Variants in PTPRN2 observed in about 807,000 individuals in gnomAD.
The protein encoded by PTPRN2 is receptor-type tyrosine-protein phosphatase N2.
PTPRN2 carries 74 observed loss-of-function variants against 118.8 expected under a neutral mutation model. The ratio of observed to expected loss-of-function variants is 0.62; its 90% CI spans 0.52 to 0.76. PTPRN2 has a LOEUF of 0.76. PTPRN2 is among the 30% of genes least tolerant of loss of function. The pLI, the probability that PTPRN2 is intolerant of heterozygous loss-of-function variation, is 0.00. For missense variants in PTPRN2, 1,481 were observed against 1,394.4 expected (o/e 1.06, Z -0.99); for synonymous variants, 641 against 608.0 (o/e 1.05, Z -0.80).
chr7:158,027,079 T>TC (rs1807328917), intron 11 of PTPRN2, among the ~76,000 whole-genome samples: 1 of 152,084 alleles, frequency 6.6e-6, no homozygotes, highest in African/African-American at 2.4e-5. Flanking sequence ...ACCAGGCAGG[T>TC]CCGGGGTCCT....
At chr7:158,473,602 C>T (rs745457594) in intron 2 of PTPRN2, among the ~76,000 whole-genome samples, 5 of 152,172 alleles carry the variant, frequency 3.3e-5, no homozygotes, top group Admixed American at 6.5e-5. Flanking sequence ...CTCTGAGCAG[C>T]GGGTGCTTCG....
At chr7:157,772,348 C>CAT (rs1267299720) in intron 12 of PTPRN2, among the ~76,000 whole-genome samples, 1,583 of 139,534 alleles carry the variant, frequency 0.011, 60 homozygotes, top group East Asian at 0.091. Context: ...CAGACATACA[C>CAT]ACACACACAT....
chr7:158,506,415 C>T (rs1346680563), intron 1 of PTPRN2, among the ~76,000 whole-genome samples: 1 of 152,124 alleles, frequency 6.6e-6, no homozygotes, highest in East Asian at 1.9e-4. Flanking sequence ...TGACACCGGC[C>T]ACACAGGTGT....
chr7:158,447,885 C>T (rs1031058811), intron 2 of PTPRN2, among the ~76,000 whole-genome samples: 22 of 152,362 alleles, frequency 1.4e-4, no homozygotes, highest in African/African-American at 4.8e-4. Flanking sequence ...TGACAAGCCA[C>T]GGTCTTGCCC....
Position 157,869,412 on chromosome 7 carries a change from CA to C in PTPRN2, c.1788+29260del, listed in dbSNP as rs1392013714. ...TTAGCAGACAAATATAAGGGGACTTCAAAAAGTTCACAGAAAAATTGGATTA... is the reference window on the plus strand; with the variant it reads ...TTAGCAGACAAATATAAGGGGACTTCAAAAGTTCACAGAAAAATTGGATTA... On this transcript the variant is annotated intron_variant, in intron 12 of 22. Coordinates refer to ENST00000389418, the MANE Select transcript of PTPRN2 (RefSeq NM_002847.5). The surrounding 1 kb of genome is among the most constrained non-coding windows in gnomAD (Gnocchi z 4.2). Among the ~76,000 whole-genome samples, 18 of 152,010 alleles carry C rather than the reference CA, an allele frequency of 1.2e-4. No homozygotes were observed. Among genetic ancestry groups the C allele is most frequent in the African/African-American group, 4.1e-4 (17 of 41,394 alleles).
chr7:158,267,011 G>A (rs1243466598), intron 3 of PTPRN2, among the ~76,000 whole-genome samples: 1 of 152,204 alleles, frequency 6.6e-6, no homozygotes, highest in African/African-American at 2.4e-5. Flanking sequence ...TCACTAAAGG[G>A]CGGGGAAGCT....
chr7:158,433,033 C>T (rs895129071), intron 2 of PTPRN2, among the ~76,000 whole-genome samples: 1 of 152,200 alleles, frequency 6.6e-6, no homozygotes. Context: ...ACTGTAGGTC[C>T]GTGGAATCAC....
chr7:157,569,073 G>A, intron 20 of PTPRN2, 107 bp from the exon 21 acceptor site: 4 of 1,102,126 alleles, frequency 3.6e-6, no homozygotes, highest in African/African-American at 1.5e-5. Context: ...GGGCCGGCGA[G>A]AGGAAAGGAT....
At chr7:157,961,549 A>T (rs1246313219) in intron 11 of PTPRN2, among the ~76,000 whole-genome samples, 1 of 151,706 alleles carries the variant, frequency 6.6e-6, no homozygotes, top group Non-Finnish European at 1.5e-5. Flanking sequence ...AAAAAAAATT[A>T]TAAAAAGTCG....
intron 10 of PTPRN2, among the ~76,000 whole-genome samples, chr7:158,097,665 C>T (rs139641464): frequency 1.5e-3 from 224 of 152,320 alleles, no homozygotes; most frequent in Admixed American, 4.6e-3. Flanking sequence ...GGCCTGGCAT[C>T]GATCACCGCC....
chr7:157,847,718 A>G (rs1441067680), intron 12 of PTPRN2, among the ~76,000 whole-genome samples: 1 of 142,514 alleles, frequency 7.0e-6, no homozygotes, highest in East Asian at 2.2e-4. Flanking sequence ...TCACTCCATC[A>G]TGTGTGCCCA....
chr7:157,591,456 C>G lies in PTPRN2; in HGVS notation c.2496+3782G>C, dbSNP rs1287463107. On this transcript the variant is annotated intron_variant, in intron 17 of 22. Coordinates refer to ENST00000389418, the MANE Select transcript of PTPRN2 (RefSeq NM_002847.5). This position sits in a 1 kb window ranked among gnomAD's most constrained non-coding sequence, Gnocchi z 4.4. Reference sequence around the variant, plus strand: ...ATGGGGATGCAGGAGGAGACGGTCACTCCAACTCAGCCTGTTGACTTCGTC... The same window carrying G: ...ATGGGGATGCAGGAGGAGACGGTCAGTCCAACTCAGCCTGTTGACTTCGTC... Among the ~76,000 whole-genome samples, 1 of 152,226 alleles carries G rather than the reference C, an allele frequency of 6.6e-6. No individual in the cohort carries two copies. The highest frequency in any genetic ancestry group is 1.5e-5 in the Non-Finnish European group (1 of 68,038).
At chr7:158,177,793 T>C (rs918389250) in intron 5 of PTPRN2, among the ~76,000 whole-genome samples, 1 of 152,232 alleles carries the variant, frequency 6.6e-6, no homozygotes, top group Non-Finnish European at 1.5e-5. Context: ...TTGGGTTTTT[T>C]CAGTTGTGGG....
intron 11 of PTPRN2, among the ~76,000 whole-genome samples, chr7:157,996,120 G>A (rs1173837679): frequency 3.3e-5 from 5 of 152,198 alleles, no homozygotes; most frequent in Non-Finnish European, 7.3e-5. Flanking sequence ...ATGAAATCCT[G>A]TCTTTTGCAG....
rs189066666 is a variant in PTPRN2 at position 157,720,595 on chromosome 7, A to G, written c.1789-37658T>C. Among the ~76,000 whole-genome samples, 117 of 152,318 alleles carry G rather than the reference A, an allele frequency of 7.7e-4. 1 individual carries two copies. The East Asian group carries it at 0.02, about 26-fold the overall frequency. ...CCGATGCATGGGTGTGCACGCGGGG[A>G]CCGAGGGAGTCACGTGAATCATGTG... On this transcript the variant is annotated intron_variant, in intron 12 of 22. Coordinates refer to ENST00000389418, the MANE Select transcript of PTPRN2 (RefSeq NM_002847.5).
At chr7:158,252,894 A>T (rs1585992850) in intron 3 of PTPRN2, among the ~76,000 whole-genome samples, 1 of 151,996 alleles carries the variant, frequency 6.6e-6, no homozygotes, top group East Asian at 1.9e-4. Flanking sequence ...CCATATCACA[A>T]AGCAGAGCCT....
At chr7:158,064,221 T>C (rs913974098) in intron 11 of PTPRN2, among the ~76,000 whole-genome samples, 5 of 152,166 alleles carry the variant, frequency 3.3e-5, no homozygotes, top group African/African-American at 4.8e-5. Context: ...CCCGAGCAAG[T>C]TGGGGTTTAA....
In PTPRN2 at chr7:157,764,064, C is replaced by T. The variant is rs553153823; in HGVS notation, c.1789-81127G>A. Among the ~76,000 whole-genome samples the T allele has an allele frequency of 1.9e-4, 29 of 152,166 alleles. No individual in the cohort carries two copies. Among genetic ancestry groups the T allele is most frequent in the Non-Finnish European group, 3.7e-4 (25 of 68,020 alleles). On this transcript the variant is annotated intron_variant, in intron 12 of 22. Transcript: ENST00000389418. This position sits in a 1 kb window ranked among gnomAD's most constrained non-coding sequence, Gnocchi z 4.5. The stretch of plus-strand genomic sequence containing the variant: ...CCATGCACGCACCCTCTAGGATGGC[C>T]GTAACTAAACACACACACACAACAA...
At chr7:157,703,694 G>T (rs1187342632) in intron 12 of PTPRN2, among the ~76,000 whole-genome samples, 2 of 152,070 alleles carry the variant, frequency 1.3e-5, no homozygotes, top group East Asian at 1.9e-4. Context: ...AGCCTGGTGG[G>T]GTTCCTGCGG....
Sources: gnomAD v4.1 joint callset for allele counts (sites outside exome capture counted in the v4.1 genomes callset) on GRCh38, gnomAD v4.1.1 for gene constraint, Gnocchi (gnomAD v3.1) non-coding constraint, MANE v1.5 for transcripts, NCBI Gene and HGNC (gene_info 2026-07-23, HGNC 2026-07-21) for gene names.